The following SGCD variants were observed in gnomAD, a reference collection of about 807,000 sequenced individuals.
The protein encoded by SGCD is delta-sarcoglycan.
Under a neutral mutation model 36.6 loss-of-function variants are expected in SGCD, and 18 were observed. The observed-to-expected ratio is 0.49, with a 90% CI of 0.34 to 0.73. The LOEUF (loss-of-function observed/expected upper bound fraction) is 0.73, where lower values mean the gene tolerates loss of function less well. SGCD is among the 30% of genes least tolerant of loss of function. The pLI is 0.01. For missense variants in SGCD, 387 were observed against 346.7 expected (o/e 1.12, Z -0.92); for synonymous variants, 133 against 130.6 (o/e 1.02, Z -0.12).
the SGCD span, among the ~76,000 whole-genome samples, chr5:155,826,713 C>G: frequency 4.8e-4 from 73 of 152,348 alleles, no homozygotes; most frequent in East Asian, 0.013. Context: ...ATTATTCACT[C>G]GTTTAGCTGT....
At chr5:155,887,768 A>G (rs1177327105) in intron 1 of SGCD, among the ~76,000 whole-genome samples, 3 of 152,214 alleles carry the variant, frequency 2.0e-5, no homozygotes, top group African/African-American at 7.2e-5. Flanking sequence ...TCTAAGCTAG[A>G]GAGTTATTTC....
intron 3 of SGCD, among the ~76,000 whole-genome samples, chr5:156,463,844 A>C (rs532324330): frequency 6.6e-6 from 1 of 152,072 alleles, no homozygotes; most frequent in Non-Finnish European, 1.5e-5. Context: ...AAATCAAAAA[A>C]ATGAGCCAGG....
chr5:156,383,311 C>A (rs1232914756), intron 3 of SGCD, among the ~76,000 whole-genome samples: 3 of 152,096 alleles, frequency 2.0e-5, no homozygotes, highest in African/African-American at 7.2e-5. Context: ...CGAGACCAGC[C>A]TGGCCAACAT....
intron 3 of SGCD, among the ~76,000 whole-genome samples, chr5:156,396,353 T>G (rs1771847369): frequency 6.6e-6 from 1 of 152,222 alleles, no homozygotes; most frequent in African/African-American, 2.4e-5. Context: ...GCACATAAAC[T>G]TGTCAGTGGA....
Position 156,693,598 on chromosome 5 carries a change from C to G in SGCD, c.575+46062C>G, listed in dbSNP as rs6893161. 3.7e-3 allele frequency among the ~76,000 whole-genome samples: 564 copies of G among 152,276 alleles called. 8 individuals carry two copies. The highest frequency in any genetic ancestry group is 0.012 in the African/African-American group (493 of 41,546). On this transcript the variant is annotated intron_variant, in intron 7 of 8. Transcript: ENST00000337851. The stretch of plus-strand genomic sequence containing the variant: ...ATTTAAAATGTTGGGGACATCAATA[C>G]ATCTGTTCAACATAGTGTAGTGATG...
chr5:156,143,891 C>T, intron 3 of SGCD, among the ~76,000 whole-genome samples: 1 of 115,814 alleles, frequency 8.6e-6, no homozygotes, highest in Non-Finnish European at 1.7e-5. Flanking sequence ...TCCCCCCTCC[C>T]CCCACCCCAA....
At chr5:156,501,503 A>G (rs1020728530) in intron 3 of SGCD, among the ~76,000 whole-genome samples, 2 of 152,184 alleles carry the variant, frequency 1.3e-5, no homozygotes, top group African/African-American at 2.4e-5. Context: ...GAAAACTATT[A>G]AAACAACTAA....
In SGCD at chr5:156,539,662, A is replaced by T. The variant is rs1758272283; in HGVS notation, c.294+30960A>T. On this transcript the variant is annotated intron_variant, in intron 4 of 8. Transcript: ENST00000337851. ...ATTTTCTTTATCCACTTGTTGATTG[A>T]TGGGCACTGAGGTTGGTTCCATATT... 1.3e-5 allele frequency among the ~76,000 whole-genome samples: 2 copies of T among 152,028 alleles called. 1 individual carries two copies. The highest frequency in any genetic ancestry group is 4.2e-4 in the South Asian group (2 of 4,816).
intron 1 of SGCD, among the ~76,000 whole-genome samples, chr5:155,990,117 T>A (rs993754893): frequency 1.1e-4 from 16 of 152,288 alleles, no homozygotes; most frequent in Admixed American, 9.8e-4. Context: ...ATTTGATGGC[T>A]TTGACTTGTT....
the SGCD span, among the ~76,000 whole-genome samples, chr5:155,843,885 G>A: frequency 1.3e-5 from 2 of 152,068 alleles, no homozygotes; most frequent in Non-Finnish European, 2.9e-5. Flanking sequence ...GGTTTCACTG[G>A]ACACCTGTAT....
At chr5:156,590,277 C>T (rs1056837455) in intron 5 of SGCD, among the ~76,000 whole-genome samples, 3 of 152,128 alleles carry the variant, frequency 2.0e-5, no homozygotes, top group Non-Finnish European at 4.4e-5. Context: ...AGTCTTCACT[C>T]CTGGGGAGGG....
At chr5:156,070,967 C>A (rs1273008553) in intron 1 of SGCD, among the ~76,000 whole-genome samples, 1 of 152,138 alleles carries the variant, frequency 6.6e-6, no homozygotes, top group Non-Finnish European at 1.5e-5. Context: ...TCTGTGGGAT[C>A]AGTGTTGATA....
intron 7 of SGCD, among the ~76,000 whole-genome samples, chr5:156,711,001 A>G (rs1754965238): frequency 6.6e-6 from 1 of 152,160 alleles, no homozygotes; most frequent in Non-Finnish European, 1.5e-5. Context: ...ACTATACTAG[A>G]GTCAGGTTAG....
chr5:156,061,690 G>A (rs1169479454), intron 1 of SGCD, among the ~76,000 whole-genome samples: 1 of 145,462 alleles, frequency 6.9e-6, no homozygotes, highest in Non-Finnish European at 1.5e-5. Flanking sequence ...TAATTAGGAA[G>A]AAATAGAAAA....
chr5:155,907,062 G>T (rs1004506698), intron 1 of SGCD, among the ~76,000 whole-genome samples: 1 of 152,030 alleles, frequency 6.6e-6, no homozygotes, highest in Non-Finnish European at 1.5e-5. Flanking sequence ...GTGCTCATTT[G>T]CCATACTGAA....
At chr5:156,016,323 C>T (rs1425078969) in intron 1 of SGCD, among the ~76,000 whole-genome samples, 1 of 152,028 alleles carries the variant, frequency 6.6e-6, no homozygotes, top group Non-Finnish European at 1.5e-5. Context: ...TGTTGTTAGT[C>T]ATTTTAAATG....
intron 7 of SGCD, among the ~76,000 whole-genome samples, chr5:156,741,333 T>C (rs1756662418): frequency 6.6e-6 from 1 of 152,210 alleles, no homozygotes; most frequent in Admixed American, 6.5e-5. Flanking sequence ...CAACAGCTAA[T>C]AAATTATTCT....
intron 6 of SGCD, among the ~76,000 whole-genome samples, chr5:156,604,421 CCT>C (rs1388073073): frequency 1.3e-5 from 2 of 151,842 alleles, no homozygotes; most frequent in East Asian, 3.9e-4. Flanking sequence ...ACTTACTCCT[CCT>C]CTTTTTTACC....
chr5:155,912,728 G>C (rs542068388), intron 1 of SGCD, among the ~76,000 whole-genome samples: 69 of 152,096 alleles, frequency 4.5e-4, no homozygotes, highest in African/African-American at 1.5e-3. Flanking sequence ...GTCTTGGCTG[G>C]CTGGCTTTTC....
Sources: gnomAD v4.1 joint callset for allele counts (sites outside exome capture counted in the v4.1 genomes callset) on GRCh38, gnomAD v4.1.1 for gene constraint, MANE v1.5 for transcripts, NCBI Gene and HGNC (gene_info 2026-07-23, HGNC 2026-07-21) for gene names.